Variants in FAF1 observed in about 807,000 individuals in gnomAD.
FAF1 encodes the protein FAS-associated factor 1.
In FAF1, 25 loss-of-function variants were observed where a neutral mutation model predicts 92.5. The observed-to-expected ratio is 0.27, with a 90% CI of 0.20 to 0.38. The LOEUF is 0.38. FAF1 is among the 10% of genes least tolerant of loss of function. The pLI is 1.00. For missense variants in FAF1, 636 were observed against 793.3 expected, an observed-to-expected ratio of 0.80 and a Z score of 2.38; for synonymous variants, 234 against 273.2, an observed-to-expected ratio of 0.86 and a Z score of 1.42.
At chr1:50,535,279 G>A (rs563715182) in intron 15 of FAF1, 90 bp downstream of exon 15, 241 of 821,650 alleles carry the variant, frequency 2.9e-4, no homozygotes, top group Non-Finnish European at 4.4e-4. Flanking sequence ...CTTATTTATC[G>A]ATCATATCAT....
At position 50,694,823 on chromosome 1, in the gene FAF1, C is replaced by A. The variant is rs372017205; in HGVS notation, c.657+10963G>T. 1.9e-4 allele frequency among the ~76,000 whole-genome samples: 28 copies of A among 148,442 alleles called. No individual in the cohort carries two copies. The South Asian group carries it at 4.7e-3, about 25-fold the overall frequency. On this transcript the variant is annotated intron_variant, in intron 7 of 18. Transcript: ENST00000396153. ...AAAAAAAAAAAAAAAATTGGCCAGG[C>A]GTAGTGGTGGGCACCTGTAGTCCCA...
rs1254332489 is a variant in FAF1, at chr1:50,545,541, T to A, written c.1269-5813A>T. Among the ~76,000 whole-genome samples the A allele has an allele frequency of 4.0e-5, 6 of 151,846 alleles. No homozygotes were observed. In the East Asian group the frequency reaches 9.7e-4, roughly 24 times the overall value. ...GCCTTGGCCTCCCAAAGTGCTGGGA[T>A]TATACAGGTGTGAGCCACCATGCCC... On this transcript the variant is annotated intron_variant, in intron 13 of 18. Transcript: ENST00000396153.
intron 6 of FAF1, among the ~76,000 whole-genome samples, chr1:50,712,810 C>T (rs1657993706): frequency 6.6e-6 from 1 of 152,044 alleles, no homozygotes; most frequent in African/African-American, 2.4e-5. Flanking sequence ...CACAGTACCC[C>T]CTAATTTATG....
chr1:50,871,045 A>G (rs2124679923), intron 1 of FAF1, among the ~76,000 whole-genome samples: 1 of 152,336 alleles, frequency 6.6e-6, no homozygotes, highest in East Asian at 1.9e-4. Context: ...CCTTACTACT[A>G]ATATAGAGAA....
At chr1:50,597,874 C>T (rs1572859202) in intron 8 of FAF1, among the ~76,000 whole-genome samples, 1 of 151,980 alleles carries the variant, frequency 6.6e-6, no homozygotes, top group East Asian at 1.9e-4. Context: ...CTTGTTGATC[C>T]CTAAAGGAAC....
At chr1:50,781,209 AC>A (rs1661165530) in intron 4 of FAF1, 2 of 159,308 alleles carry the variant, frequency 1.3e-5, no homozygotes, top group African/African-American at 4.8e-5. Flanking sequence ...AGTGATTCTT[AC>A]CACCACCTTC....
chr1:50,714,053 G>A (rs1658068064), intron 6 of FAF1, among the ~76,000 whole-genome samples: 2 of 151,866 alleles, frequency 1.3e-5, no homozygotes, highest in African/African-American at 4.8e-5. Context: ...TTACAGGCAT[G>A]AGCCACCGCA....
intron 1 of FAF1, among the ~76,000 whole-genome samples, chr1:50,958,444 G>A (rs767511114): frequency 5.9e-5 from 9 of 152,092 alleles, no homozygotes; most frequent in Non-Finnish European, 1.2e-4. Context: ...TTGGGAGGCC[G>A]AGGAGGGTGG....
chr1:50,688,641 T>C (rs1656780444), intron 7 of FAF1, among the ~76,000 whole-genome samples: 1 of 152,008 alleles, frequency 6.6e-6, no homozygotes, highest in African/African-American at 2.4e-5. Context: ...GGAGAAACCC[T>C]GTCTCTACTA....
At chr1:50,632,450 A>C (rs1653832558) in intron 8 of FAF1, among the ~76,000 whole-genome samples, 2 of 152,164 alleles carry the variant, frequency 1.3e-5, no homozygotes, top group African/African-American at 4.8e-5. Flanking sequence ...CTTGTTCATC[A>C]ATAAATCAGG....
intron 2 of FAF1, among the ~76,000 whole-genome samples, chr1:50,827,167 T>C (rs1177727576): frequency 6.6e-6 from 1 of 151,454 alleles, no homozygotes. Context: ...ATGATGACGA[T>C]GGCGGTTTTG....
At chr1:50,922,585 G>T (rs1361921072) in intron 1 of FAF1, among the ~76,000 whole-genome samples, 1 of 151,088 alleles carries the variant, frequency 6.6e-6, no homozygotes, top group Non-Finnish European at 1.5e-5. Flanking sequence ...TTGGGAAGCC[G>T]AGGAGGGTGG....
chr1:50,732,573 A>G (rs1267282355), intron 6 of FAF1, among the ~76,000 whole-genome samples: 2 of 152,160 alleles, frequency 1.3e-5, no homozygotes, highest in Non-Finnish European at 2.9e-5. Flanking sequence ...ATATTCTTAC[A>G]GTTAATATTT....
intron 2 of FAF1, among the ~76,000 whole-genome samples, chr1:50,834,189 C>T (rs1257257592): frequency 6.6e-6 from 1 of 152,232 alleles, no homozygotes; most frequent in African/African-American, 2.4e-5. Context: ...CCTGCTTCCC[C>T]TTTGTTTTCC....
intron 2 of FAF1, among the ~76,000 whole-genome samples, chr1:50,832,214 C>T (rs116138218): frequency 1.8e-4 from 27 of 152,146 alleles, no homozygotes; most frequent in African/African-American, 4.3e-4. Flanking sequence ...TACTCCAGTC[C>T]GCAGAAAAAC....
At chr1:50,467,920 C>T (rs897885646) in intron 18 of FAF1, among the ~76,000 whole-genome samples, 1 of 152,146 alleles carries the variant, frequency 6.6e-6, no homozygotes, top group Non-Finnish European at 1.5e-5. Flanking sequence ...ATCAAAATAT[C>T]ACATTGCACC....
chr1:50,660,596 C>T (rs1387416533), intron 7 of FAF1, among the ~76,000 whole-genome samples: 6 of 151,704 alleles, frequency 4.0e-5, no homozygotes, highest in Non-Finnish European at 8.8e-5. Context: ...TGGATTCAAG[C>T]GATTCTCCTG....
chr1:50,481,271 C>T lies in FAF1; in HGVS notation c.1654-5592G>A, dbSNP rs945765634. ...GTCCGCTGTAATGTAATGTCCTAGG[C>T]CTTCATATTCACTCACCACTTGCTC... On this transcript the variant is annotated intron_variant, in intron 17 of 18. Transcript: ENST00000396153. Among the ~76,000 whole-genome samples the T allele has an allele frequency of 9.9e-5, 15 of 152,236 alleles. No homozygotes were observed. The East Asian group carries it at 2.9e-3, about 29-fold the overall frequency.
chr1:50,829,088 A>G (rs532613575), intron 2 of FAF1, among the ~76,000 whole-genome samples: 20 of 152,238 alleles, frequency 1.3e-4, no homozygotes, highest in African/African-American at 4.6e-4. Flanking sequence ...GCTCAAAATA[A>G]TGGATTAAAA....
Sources: allele counts gnomAD v4.1 joint callset (sites outside exome capture counted in the v4.1 genomes callset), GRCh38; gene constraint gnomAD v4.1.1; transcripts MANE v1.5; gene names NCBI Gene and HGNC (gene_info 2026-07-23, HGNC 2026-07-21).